The following SPATC1 variants were observed in gnomAD, a reference collection of about 807,000 sequenced individuals.
SPATC1 encodes the protein speriolin.
A neutral mutation model predicts 36.5 loss-of-function variants in SPATC1; 35 were observed. That is an observed-to-expected ratio of 0.96 (90% CI 0.73 to 1.27). SPATC1 has a LOEUF of 1.27. Ranked by LOEUF, SPATC1 falls within the 50% of genes most tolerant of loss-of-function variation. The probability of loss-of-function intolerance (pLI) is 0.00; values close to 1 mark genes in which losing one functional copy is unlikely to be tolerated. For missense variants in SPATC1, 779 were observed against 796.0 expected (o/e 0.98, Z 0.26); for synonymous variants, 361 against 353.6 (o/e 1.02, Z -0.24).
chr8:144,041,902 G>C (rs1554756151), intron 4 of SPATC1: 5 of 975,308 alleles, frequency 5.1e-6, no homozygotes, highest in Middle Eastern at 5.2e-4. Context: ...GAGCTGCGTG[G>C]GTCCAGGTTG....
intron 1 of SPATC1, among the ~76,000 whole-genome samples, chr8:144,024,283 T>A (rs1834626222): frequency 7.2e-6 from 1 of 138,886 alleles, no homozygotes; most frequent in Non-Finnish European, 1.5e-5. Context: ...GAGGACCCTC[T>A]CCCTCAAGAC....
intron 4 of SPATC1, among the ~76,000 whole-genome samples, chr8:144,042,503 G>A (rs1449773865): frequency 2.0e-5 from 3 of 151,186 alleles, no homozygotes; most frequent in Middle Eastern, 3.4e-3. Flanking sequence ...GGTATTTTTA[G>A]TAGAGACGGG....
At chr8:144,026,809 CTTTT>C (rs1230432833) in intron 1 of SPATC1, among the ~76,000 whole-genome samples, 1 of 131,946 alleles carries the variant, frequency 7.6e-6, no homozygotes, top group Non-Finnish European at 1.6e-5. Flanking sequence ...CTTTCTTTTT[CTTTT>C]TTTTTTTTTT....
chr8:144,011,455 A>G (rs1044028973), upstream of SPATC1, among the ~76,000 whole-genome samples: 23 of 151,930 alleles, frequency 1.5e-4, no homozygotes, highest in African/African-American at 5.3e-4. This position sits in a 1 kb window ranked among gnomAD's most constrained non-coding sequence, Gnocchi z 4.5. Flanking sequence ...CCTCATTCCC[A>G]CATTCTACCA....
At chr8:144,034,616 TTTTA>T (rs1190472621) in intron 1 of SPATC1, among the ~76,000 whole-genome samples, 30 of 152,056 alleles carry the variant, frequency 2.0e-4, no homozygotes, top group Middle Eastern at 6.8e-3. Flanking sequence ...AACTCTCAGC[TTTTA>T]TTTATTTATT....
At chr8:144,028,025 G>A (rs929515406) in intron 1 of SPATC1, among the ~76,000 whole-genome samples, 5 of 151,474 alleles carry the variant, frequency 3.3e-5, no homozygotes, top group South Asian at 2.1e-4. Context: ...ATTGAAACTC[G>A]ACCCCTTAAA....
chr8:144,013,961 CTAA>C (rs1269890766), intron 1 of SPATC1, among the ~76,000 whole-genome samples: 21 of 152,066 alleles, frequency 1.4e-4, no homozygotes, highest in African/African-American at 5.1e-4. Flanking sequence ...ATCTCAAAAA[CTAA>C]TAATAGGCTG....
At chr8:144,044,974 C>T (rs1208771000) in intron 4 of SPATC1, among the ~76,000 whole-genome samples, 3 of 152,192 alleles carry the variant, frequency 2.0e-5, no homozygotes, top group Admixed American at 6.5e-5. Context: ...AGACACAACT[C>T]GCTGCATTGA....
At position 144,040,854 on chromosome 8, in the gene SPATC1, C is replaced by T. The variant is rs1554755820; in HGVS notation, c.1053C>T (p.Pro351=). ...CCCAGGTTGCCACCAGCTACACACC[C>T]TCAAGCACCACCCACATCGCCCAGG... ...LAPQVATSYT[P]SSTTHIAQGA... is the part of the protein sequence containing the mutation. The change falls in exon 3 of 5, where the codon CCC becomes CCT. Residue 351 remains proline (P), a synonymous_variant. Transcript: ENST00000377470. 1 of 1,588,174 alleles carries T rather than the reference C, an allele frequency of 6.3e-7. No homozygotes were observed. The highest frequency in any genetic ancestry group is 8.6e-7 in the Non-Finnish European group (1 of 1,167,068).
chr8:144,042,651 G>A (rs1195213094), intron 4 of SPATC1, among the ~76,000 whole-genome samples: 14 of 152,092 alleles, frequency 9.2e-5, no homozygotes, highest in African/African-American at 2.7e-4. Flanking sequence ...AGACACAGGC[G>A]TCCATGTAAG....
chr8:144,040,731 C>A lies in SPATC1; in HGVS notation c.930C>A (p.Pro310=), dbSNP rs1424620408. Residue 310 remains proline, a synonymous_variant, in exon 3 of 5, where the codon CCC becomes CCA. Coordinates refer to ENST00000377470, the MANE Select transcript of SPATC1 (RefSeq NM_198572.3). ...ACACTTCGGACACACAGGCCCAGCC[C>A]AGTGCCGCCCAGGAACAAGTGGTCC... ...SFNTSDTQAQ[P]SAAQEQVVPA... 10 of 1,613,352 alleles carry A rather than the reference C, an allele frequency of 6.2e-6. No individual in the cohort carries two copies. Among genetic ancestry groups the A allele is most frequent in the Non-Finnish European group, 8.5e-6 (10 of 1,179,854 alleles).
At chr8:144,015,794 C>T (rs1187732133) in intron 1 of SPATC1, among the ~76,000 whole-genome samples, 3 of 149,934 alleles carry the variant, frequency 2.0e-5, no homozygotes, top group Non-Finnish European at 4.4e-5. Context: ...GGCTTGGTGG[C>T]TCACGCCTGT....
chr8:144,023,167 C>G, intron 1 of SPATC1, among the ~76,000 whole-genome samples: 1 of 123,504 alleles, frequency 8.1e-6, no homozygotes, highest in South Asian at 2.8e-4. Flanking sequence ...ACCCCTTTCT[C>G]TCAGGACCCT....
chr8:144,038,940 A>C (rs1431904497), intron 1 of SPATC1, among the ~76,000 whole-genome samples: 1 of 152,182 alleles, frequency 6.6e-6, no homozygotes, highest in Non-Finnish European at 1.5e-5. Flanking sequence ...CTTCACAGAA[A>C]ATGCTTGCCA....
At chr8:144,037,243 G>A (rs1834925544) in intron 1 of SPATC1, among the ~76,000 whole-genome samples, 1 of 147,802 alleles carries the variant, frequency 6.8e-6, no homozygotes, top group African/African-American at 2.5e-5. Context: ...GGAGGTGAGG[G>A]GCGCCTCTGC....
chr8:144,021,581 C>T lies in SPATC1; in HGVS notation c.211+8855C>T, dbSNP rs1834536462. The stretch of plus-strand genomic sequence containing the variant: ...AACTTTTCTTCTAAGGACCCTCTTA[C>T]CTCAGAACCCTCTCACCTCAGGACC... On this transcript the variant is annotated intron_variant, in intron 1 of 4. Transcript: ENST00000377470. Among the ~76,000 whole-genome samples the T allele has an allele frequency of 3.2e-5, 4 of 125,216 alleles. No individual in the cohort carries two copies. The South Asian group carries it at 1.3e-3, about 41-fold the overall frequency. The allele number at this position is 125,216 out of a possible 152,430, so 82.1% of individuals were successfully genotyped here.
chr8:144,029,251 T>A (rs1437075636), intron 1 of SPATC1, among the ~76,000 whole-genome samples: 2 of 145,292 alleles, frequency 1.4e-5, no homozygotes, highest in Non-Finnish European at 3.0e-5. Context: ...CCCATTGAAT[T>A]GTCTTTGCAC....
At position 144,039,983 on chromosome 8, in the gene SPATC1, C is replaced by A. The variant is rs781865038; in HGVS notation, c.286C>A (p.Pro96Thr). 1.3e-5 allele frequency: 21 copies of A among 1,613,954 alleles called. No individual in the cohort carries two copies. The highest frequency in any genetic ancestry group is 1.7e-5 in the Non-Finnish European group (20 of 1,179,992). Residue 96 changes from proline to threonine, a missense_variant, in exon 2 of 5, where the codon CCC becomes ACC. Transcript: ENST00000377470. Reference sequence around the variant, plus strand: ...AGAAGTGGGGATCATGGCCTTGGCACCCCTGGCCGAGATGCTAACCAGCTT... The same window carrying A: ...AGAAGTGGGGATCATGGCCTTGGCAACCCTGGCCGAGATGCTAACCAGCTT... The part of the protein sequence containing the change: ...LEEVGIMALA[P>T]LAEMLTSLQP...
chr8:144,044,694 C>T (rs564212322), intron 4 of SPATC1, among the ~76,000 whole-genome samples: 96 of 151,928 alleles, frequency 6.3e-4, no homozygotes, highest in Non-Finnish European at 1.2e-3. Context: ...CGCCTGTCAT[C>T]CCAGCACTGT....
Sources: allele counts gnomAD v4.1 joint callset (sites outside exome capture counted in the v4.1 genomes callset), GRCh38; gene constraint gnomAD v4.1.1; non-coding constraint Gnocchi (gnomAD v3.1); transcripts MANE v1.5; gene names NCBI Gene and HGNC (gene_info 2026-07-23, HGNC 2026-07-21).